The following ADGRL2 variants were observed in gnomAD, a reference collection of about 807,000 sequenced individuals.
ADGRL2 encodes calcium-independent alpha-latrotoxin receptor 2.
Under a neutral mutation model 157.4 loss-of-function variants are expected in ADGRL2, and 44 were observed. That is an observed-to-expected ratio of 0.28 (90% CI 0.22 to 0.36). The LOEUF (loss-of-function observed/expected upper bound fraction) is 0.36. Among genes scored for constraint, ADGRL2 ranks in the 10% least tolerant of loss-of-function variants. The pLI, the probability that ADGRL2 is intolerant of heterozygous loss-of-function variation, is 1.00. For synonymous variants in ADGRL2, 585 were observed against 624.7 expected, an observed-to-expected ratio of 0.94 and a Z score of 0.95; for missense variants, 1,510 against 1,768.9, an observed-to-expected ratio of 0.85 and a Z score of 2.63.
chr1:81,848,492 A>G (rs1218595641), intron 2 of ADGRL2, among the ~76,000 whole-genome samples: 1 of 151,892 alleles, frequency 6.6e-6, no homozygotes, highest in Non-Finnish European at 1.5e-5. Context: ...GCTTCAGATC[A>G]TTAGTATATT....
At chr1:81,885,450 C>T (rs1258213760) in intron 2 of ADGRL2, among the ~76,000 whole-genome samples, 3 of 152,154 alleles carry the variant, frequency 2.0e-5, no homozygotes, top group East Asian at 1.9e-4. Context: ...CAAATTGGCA[C>T]CTTGGTTCCA....
At chr1:81,924,762 T>A (rs1472731368) in intron 3 of ADGRL2, among the ~76,000 whole-genome samples, 2 of 152,084 alleles carry the variant, frequency 1.3e-5, no homozygotes, top group Non-Finnish European at 2.9e-5. Flanking sequence ...GCTACTATAA[T>A]TCCAGACCTG....
At chr1:81,842,019 G>C (rs113396462) in intron 2 of ADGRL2, among the ~76,000 whole-genome samples, 2,745 of 152,166 alleles carry the variant, frequency 0.018, 47 homozygotes, top group Non-Finnish European at 0.027. Context: ...GAAGATCTGC[G>C]GTGGGGCCCA....
intron 2 of ADGRL2, among the ~76,000 whole-genome samples, chr1:81,784,621 C>G (rs1974312): frequency 0.71 from 108,244 of 151,474 alleles, 39,221 homozygotes; most frequent in East Asian, 1. Flanking sequence ...CCAGCTATTC[C>G]GGAGGCTGAG....
intron 1 of ADGRL2, among the ~76,000 whole-genome samples, chr1:81,392,886 CTTA>C (rs1174731478): frequency 1.3e-5 from 2 of 152,080 alleles, no homozygotes; most frequent in African/African-American, 4.8e-5. Flanking sequence ...TCCATCTCAA[CTTA>C]TTGATTCACA....
chr1:81,906,921 C>A, intron 2 of ADGRL2, 96 bp from the exon 3 acceptor site: 1 of 976,058 alleles, frequency 1.0e-6, no homozygotes. Context: ...CATCTCTTGA[C>A]GATAGACATG....
intron 6 of ADGRL2, among the ~76,000 whole-genome samples, chr1:81,949,543 C>T (rs939505836): frequency 1.3e-5 from 2 of 152,304 alleles, no homozygotes; most frequent in Non-Finnish European, 1.5e-5. Flanking sequence ...GAACTAGCTG[C>T]TTCTTCATAC....
chr1:81,803,008 C>T (rs2149504167), intron 1 of ADGRL2, among the ~76,000 whole-genome samples: 1 of 152,154 alleles, frequency 6.6e-6, no homozygotes, highest in African/African-American at 2.4e-5. Flanking sequence ...ACGGGGAGGG[C>T]AGAGAGCCTC....
chr1:81,626,647 C>G (rs532274981), intron 3 of ADGRL2, among the ~76,000 whole-genome samples: 1 of 152,156 alleles, frequency 6.6e-6, no homozygotes, highest in Admixed American at 6.5e-5. Context: ...AAAACACACG[C>G]GGGCAGTTTA....
intron 3 of ADGRL2, among the ~76,000 whole-genome samples, chr1:81,635,904 A>G (rs2082105832): frequency 6.6e-6 from 1 of 152,224 alleles, no homozygotes; most frequent in Non-Finnish European, 1.5e-5. Flanking sequence ...AGTCAGTGCT[A>G]AAAGTTATCT....
At chr1:81,628,506 C>T (rs982420309) in intron 3 of ADGRL2, among the ~76,000 whole-genome samples, 1 of 152,092 alleles carries the variant, frequency 6.6e-6, no homozygotes, top group African/African-American at 2.4e-5. Context: ...TCACTCAATA[C>T]GTTAACATAT....
intron 2 of ADGRL2, among the ~76,000 whole-genome samples, chr1:81,847,212 A>G (rs2092827055): frequency 6.6e-6 from 1 of 151,850 alleles, no homozygotes; most frequent in Non-Finnish European, 1.5e-5. Flanking sequence ...TGGGCTTTAA[A>G]CATCTTATTT....
At chr1:81,749,203 T>C (rs1200272046) in intron 1 of ADGRL2, among the ~76,000 whole-genome samples, 1 of 152,196 alleles carries the variant, frequency 6.6e-6, no homozygotes, top group African/African-American at 2.4e-5. Context: ...TTTTGATTGC[T>C]ATCTTTCCAG....
intron 1 of ADGRL2, among the ~76,000 whole-genome samples, chr1:81,334,547 G>C (rs1661501038): frequency 6.6e-6 from 1 of 152,104 alleles, no homozygotes; most frequent in Admixed American, 6.5e-5. Context: ...GATTTTCTAG[G>C]CATTAAAATT....
intron 2 of ADGRL2, among the ~76,000 whole-genome samples, chr1:81,864,980 T>C (rs2093495867): frequency 6.6e-6 from 1 of 152,080 alleles, no homozygotes; most frequent in Non-Finnish European, 1.5e-5. Flanking sequence ...AACAAGGCTG[T>C]ATCTCAAAAG....
chr1:81,680,481 G>C (rs2083088150), intron 3 of ADGRL2, among the ~76,000 whole-genome samples: 1 of 152,008 alleles, frequency 6.6e-6, no homozygotes, highest in Non-Finnish European at 1.5e-5. Context: ...TCTTGAAAAA[G>C]ACTGAATATT....
intron 1 of ADGRL2, among the ~76,000 whole-genome samples, chr1:81,802,049 C>T (rs994390680): frequency 4.6e-5 from 7 of 150,546 alleles, no homozygotes; most frequent in Admixed American, 6.6e-5. Flanking sequence ...ACGCGCCGAG[C>T]TGCGGCGCCG....
chr1:81,599,317 G>A (rs1434880961), intron 3 of ADGRL2, among the ~76,000 whole-genome samples: 1 of 152,138 alleles, frequency 6.6e-6, no homozygotes, highest in Non-Finnish European at 1.5e-5. Context: ...TAAGGGCCTG[G>A]AACATGGTTG....
intron 2 of ADGRL2, among the ~76,000 whole-genome samples, chr1:81,533,461 T>A (rs1242353500): frequency 2.0e-5 from 3 of 152,194 alleles, no homozygotes; most frequent in African/African-American, 4.8e-5. Context: ...CTTAAGTATG[T>A]TCCTCTGAAT....
Sources: allele counts gnomAD v4.1 joint callset (sites outside exome capture counted in the v4.1 genomes callset), GRCh38; gene constraint gnomAD v4.1.1; transcripts MANE v1.5; gene names NCBI Gene and HGNC (gene_info 2026-07-23, HGNC 2026-07-21).